Variants in RAB38 observed in about 807,000 individuals in gnomAD.
The protein encoded by RAB38 is RAB38, member RAS oncogene family, also known as ras-related protein Rab-38.
Under a neutral mutation model 18.4 loss-of-function variants are expected in RAB38, and 15 were observed. The ratio of observed to expected loss-of-function variants is 0.82; its 90% CI spans 0.55 to 1.26. The LOEUF (loss-of-function observed/expected upper bound fraction) is 1.26, where lower values mean the gene tolerates loss of function less well. RAB38 is among the 50% of genes most tolerant of loss of function. RAB38 has a pLI of 0.00. For synonymous variants in RAB38, 101 were observed against 104.4 expected (o/e 0.97, Z 0.20); for missense variants, 294 against 267.4 (o/e 1.10, Z -0.69).
At chr11:87,913,279 A>G in the RAB38 span, among the ~76,000 whole-genome samples, 1 of 151,922 alleles carries the variant, frequency 6.6e-6, no homozygotes, top group African/African-American at 2.4e-5. Context: ...TACTTTTTCT[A>G]TCAGTTATCA....
At chr11:88,010,440 C>G in the RAB38 span, among the ~76,000 whole-genome samples, 1 of 152,116 alleles carries the variant, frequency 6.6e-6, no homozygotes, top group East Asian at 1.9e-4. Flanking sequence ...GGGAGGGTTT[C>G]AGATAATTTA....
chr11:88,060,767 C>A, the RAB38 span, among the ~76,000 whole-genome samples: 7 of 152,094 alleles, frequency 4.6e-5, no homozygotes, highest in Non-Finnish European at 7.4e-5. Flanking sequence ...TTGTAACAGC[C>A]AAAATTTTCT....
At chr11:87,945,073 G>A in the RAB38 span, among the ~76,000 whole-genome samples, 3 of 151,822 alleles carry the variant, frequency 2.0e-5, no homozygotes, top group African/African-American at 4.9e-5. Context: ...AAGACACATG[G>A]GTAAATTTTA....
chr11:87,896,476 C>T, the RAB38 span, among the ~76,000 whole-genome samples: 1 of 151,690 alleles, frequency 6.6e-6, no homozygotes, highest in African/African-American at 2.4e-5. Flanking sequence ...ACAACAAATA[C>T]ATTGCTCTCT....
the RAB38 span, among the ~76,000 whole-genome samples, chr11:87,974,100 G>A: frequency 2.6e-5 from 4 of 152,008 alleles, no homozygotes; most frequent in East Asian, 1.9e-4. Flanking sequence ...TTGTGAGATA[G>A]TCAAAGAAGG....
chr11:88,169,169 A>T lies in RAB38; in HGVS notation c.202+6014T>A, dbSNP rs554299855. Among the ~76,000 whole-genome samples, 6 of 152,312 alleles carry T rather than the reference A, an allele frequency of 3.9e-5. 1 individual carries two copies. In the South Asian group the frequency reaches 1.2e-3, roughly 32 times the overall value. Reference sequence around the variant, plus strand: ...GGAGACTGGTGACATATGAGGGTCAAAAGAGAAAAGATGGCAGAGGTTTCA... The same window carrying T: ...GGAGACTGGTGACATATGAGGGTCATAAGAGAAAAGATGGCAGAGGTTTCA... On this transcript the variant is annotated intron_variant, in intron 1 of 2. Coordinates refer to ENST00000243662, the MANE Select transcript of RAB38 (RefSeq NM_022337.3).
At chr11:88,078,321 T>C in the RAB38 span, among the ~76,000 whole-genome samples, 1 of 151,964 alleles carries the variant, frequency 6.6e-6, no homozygotes, top group East Asian at 1.9e-4. Flanking sequence ...TGGTTATATA[T>C]CCAAAAGAAA....
At chr11:87,949,766 AATTTTTGTTCTTTT>A in the RAB38 span, among the ~76,000 whole-genome samples, 1 of 152,054 alleles carries the variant, frequency 6.6e-6, no homozygotes, top group South Asian at 2.1e-4. Flanking sequence ...AGTTTGTTAT[AATTTTTGTTCTTTT>A]ACATTTGCTA....
the RAB38 span, chr11:87,817,071 T>A: frequency 2.6e-5 from 4 of 152,276 alleles, no homozygotes; most frequent in Non-Finnish European, 5.9e-5. Flanking sequence ...TGAAGATATT[T>A]AGGTAGATAA....
the RAB38 span, among the ~76,000 whole-genome samples, chr11:88,007,862 A>G: frequency 2.0e-5 from 3 of 152,272 alleles, no homozygotes; most frequent in East Asian, 1.9e-4. Flanking sequence ...GGAAAAATAG[A>G]TAAGTTGTAT....
chr11:87,861,033 C>G, the RAB38 span, among the ~76,000 whole-genome samples: 110 of 151,994 alleles, frequency 7.2e-4, no homozygotes, highest in African/African-American at 2.6e-3. Context: ...AAATTATTCA[C>G]GCTTTATAAA....
At chr11:87,845,939 A>T in the RAB38 span, among the ~76,000 whole-genome samples, 1 of 152,130 alleles carries the variant, frequency 6.6e-6, no homozygotes, top group Non-Finnish European at 1.5e-5. Context: ...AATATCCTTC[A>T]GTATTGAAGG....
At chr11:87,926,987 C>T in the RAB38 span, among the ~76,000 whole-genome samples, 1 of 152,010 alleles carries the variant, frequency 6.6e-6, no homozygotes, top group South Asian at 2.1e-4. Context: ...AGACAAGGAA[C>T]ATGATGACAT....
the RAB38 span, among the ~76,000 whole-genome samples, chr11:87,952,153 G>T: frequency 1.3e-5 from 2 of 152,014 alleles, no homozygotes; most frequent in Middle Eastern, 3.4e-3. Flanking sequence ...GGGATCCATC[G>T]GGAGGGTGGC....
chr11:88,071,518 C>T, the RAB38 span, among the ~76,000 whole-genome samples: 1 of 152,132 alleles, frequency 6.6e-6, no homozygotes, highest in Non-Finnish European at 1.5e-5. Flanking sequence ...TCAGGAAACC[C>T]TCTGCCACCT....
chr11:88,100,414 A>C, the RAB38 span, among the ~76,000 whole-genome samples: 1 of 151,928 alleles, frequency 6.6e-6, no homozygotes, highest in African/African-American at 2.4e-5. Flanking sequence ...TAAAACTGTA[A>C]GAAAATCATG....
chr11:87,963,181 C>A, the RAB38 span, among the ~76,000 whole-genome samples: 1 of 152,104 alleles, frequency 6.6e-6, no homozygotes, highest in Admixed American at 6.6e-5. Flanking sequence ...TCTACCAACT[C>A]ACACATATAA....
the RAB38 span, among the ~76,000 whole-genome samples, chr11:87,857,084 A>G: frequency 7.2e-5 from 11 of 152,032 alleles, no homozygotes; most frequent in East Asian, 5.8e-4. Flanking sequence ...TCATTGTTCA[A>G]TTCCCACCTA....
At chr11:88,153,303 GT>G (rs1943085448) in intron 1 of RAB38, among the ~76,000 whole-genome samples, 1 of 152,156 alleles carries the variant, frequency 6.6e-6, no homozygotes. Flanking sequence ...GCCTGAAATG[GT>G]CCACTTGGTG....
Sources: allele counts gnomAD v4.1 joint callset (sites outside exome capture counted in the v4.1 genomes callset), GRCh38; gene constraint gnomAD v4.1.1; transcripts MANE v1.5; gene names NCBI Gene and HGNC (gene_info 2026-07-23, HGNC 2026-07-21).